Variants in DGKB observed in about 807,000 individuals in gnomAD.
The protein encoded by DGKB is 90 kDa diacylglycerol kinase.
DGKB carries 67 observed loss-of-function variants against 114.3 expected under a neutral mutation model. The observed-to-expected ratio is 0.59, with a 90% CI of 0.48 to 0.72. DGKB has a LOEUF of 0.72. DGKB is among the 30% of genes least tolerant of loss of function. The pLI is 0.00. For missense variants in DGKB, 907 were observed against 975.2 expected (o/e 0.93, Z 0.93); for synonymous variants, 398 against 323.1 (o/e 1.23, Z -2.49).
intron 2 of DGKB, among the ~76,000 whole-genome samples, chr7:14,831,418 G>A (rs1846393881): frequency 6.6e-6 from 1 of 151,962 alleles, no homozygotes. Context: ...GGATGTTTTT[G>A]TAGTGGACAA....
Position 14,690,197 on chromosome 7 carries a change from A to G in DGKB, c.711+3878T>C, listed in dbSNP as rs554674855. ...TTCAGAAATTGAAGCCTTATTAATT[A>G]TCTTGTTCATGCAGGAAAAGGAAAT... On this transcript the variant is annotated intron_variant, in intron 9 of 25. Transcript: ENST00000402815. Among the ~76,000 whole-genome samples, 5 of 152,350 alleles carry G rather than the reference A, an allele frequency of 3.3e-5. No homozygotes were observed. In the East Asian group the frequency reaches 9.6e-4, roughly 29 times the overall value.
chr7:14,676,572 T>C (rs1819894255), intron 12 of DGKB, among the ~76,000 whole-genome samples: 1 of 151,818 alleles, frequency 6.6e-6, no homozygotes, highest in South Asian at 2.1e-4. Context: ...ACCCACAAAA[T>C]TAAAAATAAA....
intron 1 of DGKB, among the ~76,000 whole-genome samples, chr7:14,919,097 C>CACACACAA (rs1554345182): frequency 2.5e-4 from 25 of 98,442 alleles, no homozygotes; most frequent in South Asian, 9.5e-4. Context: ...CACACACAAA[C>CACACACAA]ACACACACAC....
At chr7:14,802,600 A>G (rs1300775910) in intron 2 of DGKB, among the ~76,000 whole-genome samples, 4 of 152,184 alleles carry the variant, frequency 2.6e-5, no homozygotes, top group Non-Finnish European at 4.4e-5. Flanking sequence ...GGTAGATGAA[A>G]TTATCATCCT....
At chr7:14,329,597 T>G (rs1407511316) in intron 23 of DGKB, among the ~76,000 whole-genome samples, 1 of 152,008 alleles carries the variant, frequency 6.6e-6, no homozygotes, top group African/African-American at 2.4e-5. Flanking sequence ...TTCATGCTTA[T>G]AATTTTTTAA....
At chr7:14,773,047 G>T (rs572304738) in intron 2 of DGKB, among the ~76,000 whole-genome samples, 4 of 152,060 alleles carry the variant, frequency 2.6e-5, no homozygotes, top group Admixed American at 2.0e-4. Context: ...TCTATTCCTT[G>T]TGTTTTTAAC....
chr7:14,808,784 G>T (rs1843062977), intron 2 of DGKB, among the ~76,000 whole-genome samples: 1 of 152,208 alleles, frequency 6.6e-6, no homozygotes, highest in South Asian at 2.1e-4. Context: ...ACACACTAGG[G>T]TATAGGTACT....
At chr7:14,909,044 T>C (rs1004748881) in intron 1 of DGKB, among the ~76,000 whole-genome samples, 1 of 152,176 alleles carries the variant, frequency 6.6e-6, no homozygotes, top group East Asian at 1.9e-4. Context: ...ATTAAAATAA[T>C]AAAATGTGTG....
At chr7:14,773,329 T>A in intron 2 of DGKB, among the ~76,000 whole-genome samples, 1 of 152,106 alleles carries the variant, frequency 6.6e-6, no homozygotes. Context: ...CATTCTTATT[T>A]TCCCTACTAA....
At chr7:14,754,403 A>G (rs1834568550) in intron 3 of DGKB, among the ~76,000 whole-genome samples, 1 of 152,208 alleles carries the variant, frequency 6.6e-6, no homozygotes, top group Non-Finnish European at 1.5e-5. Context: ...AAGGTATATT[A>G]GATTTTGAAT....
intron 2 of DGKB, among the ~76,000 whole-genome samples, chr7:14,828,628 A>T (rs572937385): frequency 1.3e-5 from 2 of 152,200 alleles, no homozygotes; most frequent in South Asian, 4.1e-4. Flanking sequence ...AGAGTTGGAC[A>T]AAATGTCATG....
chr7:14,483,551 C>T (rs1299224744), intron 20 of DGKB, among the ~76,000 whole-genome samples: 1 of 152,014 alleles, frequency 6.6e-6, no homozygotes, highest in East Asian at 1.9e-4. Flanking sequence ...TCTTTGGGGG[C>T]CAGAGGACAG....
At chr7:14,288,153 A>G (rs1045319543) in intron 23 of DGKB, among the ~76,000 whole-genome samples, 2 of 149,588 alleles carry the variant, frequency 1.3e-5, no homozygotes, top group Non-Finnish European at 3.0e-5. Context: ...TATATAAGAA[A>G]TTATACTTTG....
chr7:14,574,309 A>C lies in DGKB; in HGVS notation c.1673T>G (p.Leu558Trp). Residue 558 changes from leucine (L) to tryptophan (W), a missense_variant, in exon 20 of 26, where the codon TTG (leucine) becomes TGG (tryptophan). Physicochemically the swap from Leu to Trp is moderately conservative, Grantham distance 61. Coordinates refer to ENST00000402815, the MANE Select transcript of DGKB (RefSeq NM_001350709.2). ...TATGACTTCAAACTTCCACCTGTCC[A>C]ACATGATTTCTGTGCTGTTTTCAAT... The part of the protein sequence containing the change: ...KDIENSTEIM[L>W]DRWKFEVIPN... 2 of 1,613,498 alleles carry C rather than the reference A, an allele frequency of 1.2e-6. No homozygotes were observed. Among genetic ancestry groups the C allele is most frequent in the Non-Finnish European group, 1.7e-6 (2 of 1,179,648 alleles).
intron 21 of DGKB, among the ~76,000 whole-genome samples, chr7:14,416,885 C>T (rs542179152): frequency 2.6e-5 from 4 of 152,164 alleles, no homozygotes; most frequent in South Asian, 4.1e-4. Flanking sequence ...GCAATCCATT[C>T]GAAAACTTTT....
intron 20 of DGKB, among the ~76,000 whole-genome samples, chr7:14,569,851 T>C (rs1320995607): frequency 7.9e-5 from 12 of 151,800 alleles, no homozygotes; most frequent in Non-Finnish European, 1.5e-4. Flanking sequence ...AATGTCTCCA[T>C]TTATTCTGAT....
chr7:14,503,054 C>G (rs1584429392), intron 20 of DGKB, among the ~76,000 whole-genome samples: 1 of 152,034 alleles, frequency 6.6e-6, no homozygotes. Flanking sequence ...CTGTTTTTCT[C>G]CCTTGTGATT....
At chr7:14,972,129 GA>G (rs1375049549) in intron 1 of DGKB, among the ~76,000 whole-genome samples, 1 of 151,846 alleles carries the variant, frequency 6.6e-6, no homozygotes, top group Non-Finnish European at 1.5e-5. Context: ...TTCTAGTTGT[GA>G]AAAAAATTAG....
intron 23 of DGKB, among the ~76,000 whole-genome samples, chr7:14,254,376 A>G (rs1795660304): frequency 6.6e-6 from 1 of 152,188 alleles, no homozygotes; most frequent in Non-Finnish European, 1.5e-5. Flanking sequence ...TATTTCTCTG[A>G]TCTTGATATC....
Sources: allele counts gnomAD v4.1 joint callset (sites outside exome capture counted in the v4.1 genomes callset), GRCh38; gene constraint gnomAD v4.1.1; transcripts MANE v1.5; gene names NCBI Gene and HGNC (gene_info 2026-07-23, HGNC 2026-07-21).